SOBP: variants seen among roughly 807,000 people sequenced by gnomAD.
SOBP encodes the protein sine oculis binding protein homolog.
A neutral mutation model predicts 53.6 loss-of-function variants in SOBP; 4 were observed. That is an observed-to-expected ratio of 0.07 (90% CI 0.04 to 0.17). The LOEUF (loss-of-function observed/expected upper bound fraction) is 0.17. Among genes scored for constraint, SOBP ranks in the 10% least tolerant of loss-of-function variants. The pLI is 1.00. For missense variants in SOBP, 1,088 were observed against 1,204.7 expected (o/e 0.90, Z 1.43); for synonymous variants, 584 against 522.6 (o/e 1.12, Z -1.60).
At chr6:107,513,419 AC>A (rs1783228247) in intron 3 of SOBP, among the ~76,000 whole-genome samples, 1 of 152,196 alleles carries the variant, frequency 6.6e-6, no homozygotes, top group Non-Finnish European at 1.5e-5. Flanking sequence ...TAGCTGAGTA[AC>A]CCACAGTTAA....
intron 5 of SOBP, among the ~76,000 whole-genome samples, chr6:107,613,744 A>G (rs748897803): frequency 6.6e-6 from 1 of 152,242 alleles, no homozygotes; most frequent in Non-Finnish European, 1.5e-5. Context: ...CAAAGTCAGG[A>G]TTAGAATCCA....
intron 1 of SOBP, among the ~76,000 whole-genome samples, chr6:107,502,810 G>T (rs561333700): frequency 6.6e-6 from 1 of 152,266 alleles, no homozygotes; most frequent in South Asian, 2.1e-4. Context: ...GCCCAGGCTG[G>T]AGTGCAGTGG....
intron 4 of SOBP, among the ~76,000 whole-genome samples, chr6:107,555,234 A>G (rs1482674435): frequency 6.6e-6 from 1 of 152,124 alleles, no homozygotes; most frequent in Non-Finnish European, 1.5e-5. Context: ...CAAGGCATTT[A>G]AAAGGATGGC....
chr6:107,630,623 T>C (rs374750250), intron 5 of SOBP, among the ~76,000 whole-genome samples: 1 of 152,228 alleles, frequency 6.6e-6, no homozygotes, highest in Non-Finnish European at 1.5e-5. Context: ...TCATTATTTC[T>C]TAAGTGACAG....
At chr6:107,587,656 C>T (rs1300183071) in intron 5 of SOBP, among the ~76,000 whole-genome samples, 13 of 152,240 alleles carry the variant, frequency 8.5e-5, no homozygotes, top group Non-Finnish European at 1.8e-4. Flanking sequence ...CAAACTTAAT[C>T]GTCTCTCCTA....
chr6:107,522,947 C>G (rs1783557284), intron 3 of SOBP, among the ~76,000 whole-genome samples: 1 of 152,060 alleles, frequency 6.6e-6, no homozygotes, highest in African/African-American at 2.4e-5. Context: ...GGGTTTCTGC[C>G]ATCAGGTAAC....
At chr6:107,508,182 G>A (rs1783051325) in intron 3 of SOBP, among the ~76,000 whole-genome samples, 1 of 152,186 alleles carries the variant, frequency 6.6e-6, no homozygotes. Context: ...GTAGATACAA[G>A]TTCCTGGGCT....
At chr6:107,584,093 A>G (rs931151331) in intron 4 of SOBP, among the ~76,000 whole-genome samples, 2 of 152,112 alleles carry the variant, frequency 1.3e-5, no homozygotes, top group East Asian at 1.9e-4. Context: ...AGCTATGCCA[A>G]GGGCCTCCCC....
rs933176558 is a variant in SOBP, at chr6:107,633,737, A to G, written c.893A>G (p.Asp298Gly). The change falls in exon 6 of 7, where the codon GAC (aspartate) becomes GGC (glycine). Residue 298 changes from aspartate to glycine, a missense_variant. Around this residue, in one of 6 missense-constraint regions of SOBP, gnomAD observed 211 missense variants for 258.9 expected, o/e 0.82. Coordinates refer to ENST00000317357, the MANE Select transcript of SOBP (RefSeq NM_018013.4). ...EGTGVQLLTP[D>G]SWNIPLTDAR... ...ACCGGGGTGCAGCTGCTCACTCCAG[A>G]CTCTTGGAATATCCCGCTAACAGAT... is the stretch of plus-strand genomic sequence containing the variant. 5.6e-6 allele frequency: 9 copies of G among 1,613,994 alleles called. No individual in the cohort carries two copies. Among genetic ancestry groups the G allele is most frequent in the Non-Finnish European group, 7.6e-6 (9 of 1,180,016 alleles).
At chr6:107,538,165 A>T (rs1784056867) in intron 4 of SOBP, among the ~76,000 whole-genome samples, 1 of 152,122 alleles carries the variant, frequency 6.6e-6, no homozygotes, top group Non-Finnish European at 1.5e-5. Context: ...TGTTATTTGG[A>T]GTTATATTTT....
chr6:107,587,893 C>T (rs1313822832), intron 5 of SOBP, among the ~76,000 whole-genome samples: 1 of 152,080 alleles, frequency 6.6e-6, no homozygotes, highest in Non-Finnish European at 1.5e-5. Flanking sequence ...AAAATGAGTG[C>T]TCTGCAATGC....
intron 4 of SOBP, among the ~76,000 whole-genome samples, chr6:107,569,880 T>G (rs573174656): frequency 2.0e-5 from 3 of 152,330 alleles, no homozygotes; most frequent in Non-Finnish European, 4.4e-5. Context: ...TGCAGCCGCC[T>G]GCATTCTCAC....
At position 107,503,650 on chromosome 6, in the gene SOBP, C is replaced by T; in HGVS notation, c.97-7C>T. 6.2e-7 allele frequency: 1 copy of T among 1,614,050 alleles called. No individual in the cohort carries two copies. Among genetic ancestry groups the T allele is most frequent in the Non-Finnish European group, 8.5e-7 (1 of 1,179,942 alleles). ...GAAATAAGTAGTAGCCTATGCTTCT[C>T]TTTCAGAACTTTGCAGAAAACACCA... On this transcript the variant is annotated splice_region_variant and splice_polypyrimidine_tract_variant and intron_variant, in intron 1 of 6. Coordinates refer to ENST00000317357, the MANE Select transcript of SOBP (RefSeq NM_018013.4).
intron 1 of SOBP, 51 bp from the exon 2 acceptor site, chr6:107,503,606 C>T (rs1422293347): frequency 1.3e-6 from 2 of 1,599,554 alleles, no homozygotes; most frequent in East Asian, 2.2e-5. Flanking sequence ...GCATTCTTTT[C>T]AAGTAGTTAT....
chr6:107,541,245 T>G (rs192770308), intron 4 of SOBP, among the ~76,000 whole-genome samples: 209 of 152,334 alleles, frequency 1.4e-3, no homozygotes, highest in Non-Finnish European at 1.6e-3. Flanking sequence ...TTAGTAGATA[T>G]GAATTTTGTA....
intron 5 of SOBP, among the ~76,000 whole-genome samples, chr6:107,615,434 T>A (rs189819102): frequency 1.7e-3 from 253 of 152,290 alleles, no homozygotes; most frequent in African/African-American, 5.5e-3. Context: ...GGACAAAGGC[T>A]GAGATAATCT....
intron 3 of SOBP, among the ~76,000 whole-genome samples, chr6:107,532,843 G>A (rs1391792891): frequency 6.6e-6 from 1 of 152,210 alleles, no homozygotes; most frequent in Non-Finnish European, 1.5e-5. Flanking sequence ...GTCAGAGTCT[G>A]TTCAGCGAGC....
At chr6:107,581,188 T>A (rs1457534833) in intron 4 of SOBP, among the ~76,000 whole-genome samples, 1 of 152,078 alleles carries the variant, frequency 6.6e-6, no homozygotes, top group East Asian at 1.9e-4. Flanking sequence ...TGGTGTGGAA[T>A]GGAAATACAG....
At chr6:107,643,290 G>C (rs1771407325) in intron 6 of SOBP, among the ~76,000 whole-genome samples, 1 of 152,162 alleles carries the variant, frequency 6.6e-6, no homozygotes, top group Non-Finnish European at 1.5e-5. Context: ...AAGCTCTTTT[G>C]ATATTTTAAA....
Sources: gnomAD v4.1 joint callset for allele counts (sites outside exome capture counted in the v4.1 genomes callset) on GRCh38, gnomAD v4.1.1 for gene constraint, gnomAD v4.1.1 regional missense constraint, MANE v1.5 for transcripts, NCBI Gene and HGNC (gene_info 2026-07-23, HGNC 2026-07-21) for gene names.